Variants in EFR3A observed in about 807,000 individuals in gnomAD.
EFR3A encodes the protein EFR3 homolog A.
Under a neutral mutation model 104.4 loss-of-function variants are expected in EFR3A, and 76 were observed. The ratio of observed to expected loss-of-function variants is 0.73; its 90% CI spans 0.60 to 0.88. The LOEUF (loss-of-function observed/expected upper bound fraction) is 0.88, where lower values mean the gene tolerates loss of function less well. EFR3A is among the 40% of genes least tolerant of loss of function. EFR3A has a pLI of 0.00. For synonymous variants in EFR3A, 330 were observed against 330.0 expected (o/e 1.00, Z 0.00); for missense variants, 985 against 1,012.5 (o/e 0.97, Z 0.37).
chr8:131,974,091 G>GA (rs1433501995), intron 10 of EFR3A, among the ~76,000 whole-genome samples: 2 of 152,106 alleles, frequency 1.3e-5, no homozygotes, highest in Non-Finnish European at 2.9e-5. Context: ...GTTGAACGTT[G>GA]AAATTACCTC....
intron 1 of EFR3A, chr8:131,939,813 A>T (rs1039535451): frequency 6.6e-6 from 1 of 152,154 alleles, no homozygotes; most frequent in African/African-American, 2.4e-5. Context: ...GATCTAAAGT[A>T]TTTTTAGATT....
intron 14 of EFR3A, among the ~76,000 whole-genome samples, chr8:131,983,617 A>G (rs1220938328): frequency 1.3e-5 from 2 of 152,050 alleles, no homozygotes; most frequent in Non-Finnish European, 2.9e-5. Context: ...CTCTGTTAAT[A>G]GGCTTTAGAC....
intron 9 of EFR3A, 98 bp from the exon 10 acceptor site, chr8:131,970,378 A>G (rs1387644293): frequency 6.1e-6 from 7 of 1,140,858 alleles, no homozygotes; most frequent in East Asian, 2.6e-5. Context: ...CTGACTATTT[A>G]GAAAATTACA....
At chr8:131,937,411 T>C (rs1817953789) in intron 1 of EFR3A, among the ~76,000 whole-genome samples, 1 of 152,146 alleles carries the variant, frequency 6.6e-6, no homozygotes, top group East Asian at 1.9e-4. Flanking sequence ...ATGTGTACAC[T>C]ACTATAATAT....
At chr8:131,931,078 G>A in intron 1 of EFR3A, among the ~76,000 whole-genome samples, 1 of 152,104 alleles carries the variant, frequency 6.6e-6, no homozygotes, top group Non-Finnish European at 1.5e-5. Flanking sequence ...CATGGTGGGA[G>A]GGGGAGGCTT....
At chr8:131,954,277 A>C (rs777777937) in intron 6 of EFR3A, among the ~76,000 whole-genome samples, 6 of 152,116 alleles carry the variant, frequency 3.9e-5, no homozygotes, top group African/African-American at 7.2e-5. Flanking sequence ...AAAGTTGCAA[A>C]TGTGAGAAAC....
chr8:131,962,289 A>G (rs1819400746), intron 8 of EFR3A, among the ~76,000 whole-genome samples: 1 of 152,162 alleles, frequency 6.6e-6, no homozygotes, highest in Non-Finnish European at 1.5e-5. Context: ...GTCAAGACCC[A>G]TCAGTGTGCT....
At chr8:131,969,480 T>C (rs1819931115) in intron 9 of EFR3A, among the ~76,000 whole-genome samples, 2 of 151,938 alleles carry the variant, frequency 1.3e-5, no homozygotes, top group South Asian at 4.1e-4. Flanking sequence ...GTGTAAATGC[T>C]ATGTGATTAG....
At chr8:131,923,212 A>G (rs1164588407) in intron 1 of EFR3A, among the ~76,000 whole-genome samples, 1 of 152,178 alleles carries the variant, frequency 6.6e-6, no homozygotes, top group Non-Finnish European at 1.5e-5. Context: ...TTATTTCGGC[A>G]AAGTATTATG....
intron 1 of EFR3A, among the ~76,000 whole-genome samples, chr8:131,937,517 C>G (rs1318424726): frequency 6.6e-6 from 1 of 152,094 alleles, no homozygotes; most frequent in Non-Finnish European, 1.5e-5. Flanking sequence ...TCATATTCTT[C>G]TAGTGTATCA....
chr8:131,974,784 G>A (rs1464753179), intron 10 of EFR3A, among the ~76,000 whole-genome samples: 1 of 152,182 alleles, frequency 6.6e-6, no homozygotes, highest in Non-Finnish European at 1.5e-5. Context: ...GTACGTGATT[G>A]TGGGAAATGA....
chr8:131,913,857 T>C (rs1405228516), intron 1 of EFR3A, among the ~76,000 whole-genome samples: 1 of 152,200 alleles, frequency 6.6e-6, no homozygotes, highest in Non-Finnish European at 1.5e-5. Flanking sequence ...TCTCATAAAC[T>C]TTGCAGAAGG....
intron 13 of EFR3A, 49 bp downstream of exon 13, chr8:131,979,068 T>A (rs776104487): frequency 6.3e-5 from 94 of 1,499,480 alleles, no homozygotes; most frequent in Non-Finnish European, 8.4e-5. Flanking sequence ...TTTAAATTGC[T>A]AAATTAGTGT....
intron 1 of EFR3A, among the ~76,000 whole-genome samples, chr8:131,907,421 G>A (rs1816308435): frequency 6.6e-6 from 1 of 152,148 alleles, no homozygotes; most frequent in Non-Finnish European, 1.5e-5. Context: ...ATTTTCTAGG[G>A]AAAACCAAAA....
At chr8:131,996,241 G>A in intron 18 of EFR3A, 165 bp from the exon 19 acceptor site, 1 of 460,084 alleles carries the variant, frequency 2.2e-6, no homozygotes, top group Admixed American at 4.2e-5. Context: ...TTCACGAAAT[G>A]TAAAAGTCCG....
chr8:131,955,815 A>G lies in EFR3A; in HGVS notation c.686A>G (p.Asn229Ser), dbSNP rs1365040260. ...CCTTCTGCAACTGACAAAGAAGAGA[A>G]TCCTGCTGTGCTGGCTGAAAACTGT... is the stretch of plus-strand genomic sequence containing the variant. ...SSPSATDKEE[N>S]PAVLAENCFR... Residue 229 changes from asparagine (N) to serine (S), a missense_variant, in exon 7 of 23, where the codon AAT becomes AGT. By Grantham distance (46) the Asn-to-Ser change is conservative. Transcript: ENST00000254624. The G allele has an allele frequency of 2.5e-6, 4 of 1,613,444 alleles. No homozygotes were observed. Among genetic ancestry groups the G allele is most frequent in the Admixed American group, 1.7e-5 (1 of 59,966 alleles).
chr8:131,943,012 A>G (rs1414844154), intron 2 of EFR3A, among the ~76,000 whole-genome samples: 2 of 152,090 alleles, frequency 1.3e-5, no homozygotes, highest in Admixed American at 6.6e-5. Flanking sequence ...AATGATGAAA[A>G]TGTTCTTTTC....
chr8:131,970,701 A>C, intron 10 of EFR3A, 58 bp downstream of exon 10: 113 of 1,500,528 alleles, frequency 7.5e-5, no homozygotes, highest in Non-Finnish European at 1.0e-4. Flanking sequence ...CAAAGCTCTC[A>C]CATAAGGTCC....
intron 2 of EFR3A, among the ~76,000 whole-genome samples, chr8:131,941,773 A>G (rs1011978647): frequency 6.6e-6 from 1 of 152,130 alleles, no homozygotes; most frequent in Non-Finnish European, 1.5e-5. Context: ...GCTTTGAAGT[A>G]TGTATACCAT....
Sources: gnomAD v4.1 joint callset for allele counts (sites outside exome capture counted in the v4.1 genomes callset) on GRCh38, gnomAD v4.1.1 for gene constraint, MANE v1.5 for transcripts, NCBI Gene and HGNC (gene_info 2026-07-23, HGNC 2026-07-21) for gene names.